The following SMG1 variants were observed in gnomAD, a reference collection of about 807,000 sequenced individuals.
SMG1 encodes the protein SMG1 nonsense mediated mRNA decay associated PI3K related kinase, also known as serine/threonine-protein kinase SMG1.
Under a neutral mutation model 419.9 loss-of-function variants are expected in SMG1, and 22 were observed. That is an observed-to-expected ratio of 0.05 (90% CI 0.04 to 0.07). The LOEUF (loss-of-function observed/expected upper bound fraction) is 0.07, where lower values mean the gene tolerates loss of function less well. Ranked by LOEUF, SMG1 falls within the 10% of genes least tolerant of loss-of-function variation. SMG1 has a pLI of 1.00. For missense variants in SMG1, 3,185 were observed against 4,342.0 expected (o/e 0.73, Z 7.49); for synonymous variants, 1,538 against 1,553.5 (o/e 0.99, Z 0.23).
intron 22 of SMG1, 51 bp from the exon 23 acceptor site, chr16:18,866,826 T>C: frequency 6.5e-7 from 1 of 1,528,812 alleles, no homozygotes; most frequent in South Asian, 1.1e-5. Flanking sequence ...AAAACATAAA[T>C]CCCTATAAAA....
At chr16:18,810,502 G>T (rs923566263) in intron 62 of SMG1, among the ~76,000 whole-genome samples, 2 of 152,154 alleles carry the variant, frequency 1.3e-5, no homozygotes, top group African/African-American at 2.4e-5. Flanking sequence ...GGATCTGAAT[G>T]ACCATTTTTT....
In SMG1 at chr16:18,877,128, T is replaced by A; in HGVS notation, c.1620+3A>T. 2 of 1,536,842 alleles carry A rather than the reference T, an allele frequency of 1.3e-6. No individual in the cohort carries two copies. Among genetic ancestry groups the A allele is most frequent in the Non-Finnish European group, 1.8e-6 (2 of 1,141,190 alleles). On this transcript the variant is annotated splice_donor_region_variant and intron_variant, in intron 12 of 62. Transcript: ENST00000446231. ...CAAAATTCATTATCAATGTATTACT[T>A]ACCTCTTTTTCTTTATGATAACGCA...
chr16:18,815,391 G>A (rs779089839), intron 59 of SMG1, 49 bp downstream of exon 59: 4 of 1,589,108 alleles, frequency 2.5e-6, no homozygotes, highest in Non-Finnish European at 3.5e-6. Flanking sequence ...TCTTATACCA[G>A]TAGTTTTGTA....
Position 18,926,352 on chromosome 16 carries a change from G to C in SMG1, c.-311C>G, listed in dbSNP as rs968820234. 20 of 334,650 alleles carry C rather than the reference G, an allele frequency of 6.0e-5. No individual in the cohort carries two copies. The highest frequency in any genetic ancestry group is 3.9e-4 in the African/African-American group (18 of 46,088). The allele number at this position is 334,650 out of a possible 1,614,324, so 20.7% of individuals were successfully genotyped here. The stretch of plus-strand genomic sequence containing the variant: ...GGCCCACGTCGCCGGGGCCCCGGAG[G>C]ACGAGGACGACGAGGAGCAGGCGGT... On this transcript the variant is annotated 5_prime_UTR_variant, in exon 1 of 63. Coordinates refer to ENST00000446231, the MANE Select transcript of SMG1 (RefSeq NM_015092.5).
intron 36 of SMG1, 54 bp from the exon 37 acceptor site, chr16:18,848,087 A>T: frequency 6.9e-7 from 1 of 1,458,580 alleles, no homozygotes; most frequent in Non-Finnish European, 9.5e-7. Flanking sequence ...CCATGTGCAT[A>T]TGCTAGGTTA....
rs762270463 is a variant in SMG1, at chr16:18,838,477, CA to C, written c.7085-12del. The C allele has an allele frequency of 6.2e-7, 1 of 1,613,952 alleles. No homozygotes were observed. The highest frequency in any genetic ancestry group is 2.2e-5 in the East Asian group (1 of 44,882). On this transcript the variant is annotated splice_polypyrimidine_tract_variant and intron_variant, in intron 43 of 62. Transcript: ENST00000446231. ...CTCTAAGGCTTTTACCTTGAAAAGACAAATCATTATATTTTTGCCCTTTCAC... is the reference window on the plus strand; with the variant it reads ...CTCTAAGGCTTTTACCTTGAAAAGACAATCATTATATTTTTGCCCTTTCAC...
intron 3 of SMG1, among the ~76,000 whole-genome samples, chr16:18,894,954 G>A (rs62047579): frequency 0.18 from 28,001 of 151,754 alleles, 2,665 homozygotes; most frequent in Middle Eastern, 0.26. Flanking sequence ...TGTAGCTGGG[G>A]CTACAGGCGC....
At chr16:18,820,491 A>C (rs999884415) in intron 55 of SMG1, among the ~76,000 whole-genome samples, 4 of 152,218 alleles carry the variant, frequency 2.6e-5, no homozygotes, top group Non-Finnish European at 5.9e-5. Context: ...GGCATGAACC[A>C]CCATGCCTGG....
intron 25 of SMG1, 124 bp downstream of exon 25, chr16:18,863,526 C>T: frequency 1.2e-6 from 1 of 851,310 alleles, no homozygotes; most frequent in African/African-American, 1.7e-5. Flanking sequence ...TTCATAATGG[C>T]AGTAAGTTAG....
chr16:18,904,401 A>G (rs1419085794), intron 1 of SMG1, among the ~76,000 whole-genome samples: 16 of 138,624 alleles, frequency 1.2e-4, no homozygotes, highest in South Asian at 7.2e-4. Context: ...TTGGGAAGCG[A>G]AGGCAGGCAG....
chr16:18,918,451 G>T (rs1277540843), intron 1 of SMG1, among the ~76,000 whole-genome samples: 1 of 151,968 alleles, frequency 6.6e-6, no homozygotes. Context: ...ATTTTGGGGG[G>T]GATTCTCCCC....
chr16:18,872,901 C>T (rs2035901307), intron 13 of SMG1, among the ~76,000 whole-genome samples: 1 of 152,068 alleles, frequency 6.6e-6, no homozygotes, highest in Non-Finnish European at 1.5e-5. Context: ...CACCTGTAAT[C>T]CTAGCACTTT....
At chr16:18,896,392 T>A (rs1464328260) in intron 2 of SMG1, among the ~76,000 whole-genome samples, 185 bp from the exon 3 acceptor site, 1 of 152,208 alleles carries the variant, frequency 6.6e-6, no homozygotes, top group Non-Finnish European at 1.5e-5. Flanking sequence ...TGAAGTTAAA[T>A]TAATTTTATT....
At chr16:18,854,954 T>A (rs751128383) in intron 29 of SMG1, 50 bp from the exon 30 acceptor site, 22 of 1,558,148 alleles carry the variant, frequency 1.4e-5, no homozygotes. Flanking sequence ...TAAACCAGAC[T>A]GCATGGAAAC....
rs2038410510 is a variant in SMG1 at position 18,926,339 on chromosome 16, CG to C, written c.-299del. On this transcript the variant is annotated 5_prime_UTR_variant, in exon 1 of 63. Transcript: ENST00000446231. ...CAGGGCCGTGCGCGGCCCACGTCGC[CG>C]GGGCCCCGGAGGACGAGGACGACGA... is the stretch of plus-strand genomic sequence containing the variant. 1 of 356,942 alleles carries C rather than the reference CG, an allele frequency of 2.8e-6. No individual in the cohort carries two copies. The highest frequency in any genetic ancestry group is 5.1e-6 in the Non-Finnish European group (1 of 197,960). 22.1% of individuals were successfully genotyped at this position (356,942 alleles called of 1,614,324 possible).
Position 18,873,959 on chromosome 16 carries a change from CGAA to C in SMG1, c.1891-1338_1891-1336del, listed in dbSNP as rs569067090. On this transcript the variant is annotated intron_variant, in intron 13 of 62. Transcript: ENST00000446231. Reference sequence around the variant, plus strand: ...TCCTCAAAAATCAAGCTTTCGTGTTCGAAGAAGAATTTATTGTGACTTCAAACA... The same window carrying C: ...TCCTCAAAAATCAAGCTTTCGTGTTCGAAGAATTTATTGTGACTTCAAACA... Among the ~76,000 whole-genome samples, 30 of 152,212 alleles carry C rather than the reference CGAA, an allele frequency of 2.0e-4. No homozygotes were observed. In the South Asian group the frequency reaches 5.6e-3, roughly 28 times the overall value.
intron 36 of SMG1, 112 bp downstream of exon 36, chr16:18,849,105 A>C (rs1329893808): frequency 2.9e-5 from 10 of 343,138 alleles, no homozygotes; most frequent in African/African-American, 2.2e-4. Flanking sequence ...AAAAAAAAAA[A>C]ACCCTACAAA....
At position 18,830,386 on chromosome 16, in the gene SMG1, G is replaced by A. The variant is rs556707340; in HGVS notation, c.8793-17C>T. On this transcript the variant is annotated splice_polypyrimidine_tract_variant and intron_variant, in intron 51 of 62. Transcript: ENST00000446231. ...TGTAGTAGTCTACAGAAAAACAAAA[G>A]GAGTTAAAACCTTCGCTGAAAAGTA... 1 of 1,613,272 alleles carries A rather than the reference G, an allele frequency of 6.2e-7. No individual in the cohort carries two copies. The highest frequency in any genetic ancestry group is 8.5e-7 in the Non-Finnish European group (1 of 1,179,584).
chr16:18,853,692 C>G lies in SMG1; in HGVS notation c.4659G>C (p.Gln1553His). The part of the protein sequence containing the change: ...LKQVYRAQHQ[Q>H]NFTGLSTLSK... ...ACAAAGTAGAAAGACCTGTGAAGTT[C>G]TGTTGGTGCTGAGCTCTGTAAACCT... The change falls in exon 31 of 63, where the codon CAG (glutamine) becomes CAC (histidine). Residue 1553 changes from glutamine to histidine, a missense_variant. Physicochemically the swap from Gln to His is conservative, Grantham distance 24 (BLOSUM62 0). Coordinates refer to ENST00000446231, the MANE Select transcript of SMG1 (RefSeq NM_015092.5). The G allele has an allele frequency of 1.2e-6, 2 of 1,613,774 alleles. No individual in the cohort carries two copies. The highest frequency in any genetic ancestry group is 1.7e-6 in the Non-Finnish European group (2 of 1,179,804).
Sources: allele counts gnomAD v4.1 joint callset (sites outside exome capture counted in the v4.1 genomes callset), GRCh38; gene constraint gnomAD v4.1.1; transcripts MANE v1.5; gene names NCBI Gene and HGNC (gene_info 2026-07-23, HGNC 2026-07-21).